CASK: variants seen among roughly 807,000 people sequenced by gnomAD.
CASK encodes peripheral plasma membrane protein CASK.
CASK carries 4 observed loss-of-function variants against 82.9 expected under a neutral mutation model. The observed-to-expected ratio is 0.05, with a 90% CI of 0.02 to 0.11. The LOEUF (loss-of-function observed/expected upper bound fraction) is 0.11. CASK is among the 10% of genes least tolerant of loss of function. The pLI, the probability that CASK is intolerant of heterozygous loss-of-function variation, is 1.00. For missense variants in CASK, 358 were observed against 720.9 expected (o/e 0.50, Z 5.76); for synonymous variants, 259 against 253.5 (o/e 1.02, Z -0.20).
intron 5 of CASK, chrX:41,675,774 C>G: frequency 8.3e-7 from 1 of 1,203,450 alleles, no homozygotes; most frequent in Non-Finnish European, 1.1e-6. Context: ...TCCCCTCCTT[C>G]TCCTGCTTCA....
intron 3 of CASK, among the ~76,000 whole-genome samples, chrX:41,747,737 G>A (rs1452581606): frequency 1.8e-5 from 2 of 112,437 alleles, no homozygotes; most frequent in Non-Finnish European, 1.9e-5. Context: ...CACTGCGCCC[G>A]GCCTACAATA....
At chrX:41,854,952 T>G (rs1415097528) in intron 1 of CASK, among the ~76,000 whole-genome samples, 1 of 112,219 alleles carries the variant, frequency 8.9e-6, no homozygotes, top group African/African-American at 3.2e-5. Flanking sequence ...CAGGAAATGC[T>G]TCATGTAATT....
intron 8 of CASK, among the ~76,000 whole-genome samples, chrX:41,639,547 A>C (rs1424608170): frequency 9.0e-6 from 1 of 110,541 alleles, no homozygotes; most frequent in Non-Finnish European, 1.9e-5. Flanking sequence ...GGTGAAAGAG[A>C]GATAGACTCT....
chrX:41,719,674 T>C (rs2068127922), intron 5 of CASK, among the ~76,000 whole-genome samples: 1 of 112,163 alleles, frequency 8.9e-6, no homozygotes, highest in South Asian at 3.7e-4. Context: ...GTGTCCACCC[T>C]ACTGCTGTGT....
rs1265732484 is a variant in CASK at position 41,518,027 on chromosome X, A to G, written c.*2393T>C. On this transcript the variant is annotated 3_prime_UTR_variant, in exon 27 of 27. Transcript: ENST00000378163. The stretch of plus-strand genomic sequence containing the variant: ...TGCTTCTCAGAGGACGTATAAAGCC[A>G]CTGAGGATGAGTGCTACAGTGCTTG... 1 of 366,102 alleles carries G rather than the reference A, an allele frequency of 2.7e-6. No homozygotes were observed. The highest frequency in any genetic ancestry group is 2.6e-5 in the African/African-American group (1 of 38,721). The allele number at this position is 366,102 out of a possible 1,213,427, so 30.2% of individuals were successfully genotyped here.
rs187597193 is a variant in CASK at position 41,676,257 on chromosome X, G to A, written c.430-4727C>T. 73 of 1,187,934 alleles carry A rather than the reference G, an allele frequency of 6.1e-5. No individual in the cohort carries two copies. In the East Asian group the frequency reaches 1.8e-3, roughly 29 times the overall value. The stretch of plus-strand genomic sequence containing the variant: ...GTATCAACTTTCTCTCTGTATTCTC[G>A]AGCCATCTGCTGTTTTTTCTCAGCA... On this transcript the variant is annotated intron_variant, in intron 5 of 26. Coordinates refer to ENST00000378163, the MANE Select transcript of CASK (RefSeq NM_001367721.1).
chrX:41,530,647 C>T (rs1280422057), intron 25 of CASK, among the ~76,000 whole-genome samples: 1 of 112,384 alleles, frequency 8.9e-6, no homozygotes, highest in African/African-American at 3.2e-5. Context: ...GAGCTGTACC[C>T]AGAGAGGGAA....
intron 1 of CASK, among the ~76,000 whole-genome samples, chrX:41,906,111 T>C (rs1029691068): frequency 1.8e-5 from 2 of 112,256 alleles, no homozygotes; most frequent in Non-Finnish European, 3.8e-5. Flanking sequence ...AAAGAAAATA[T>C]GAACTTCTGA....
rs754459613 is a variant in CASK, at chrX:41,607,648, C to T, written c.1155+2256G>A. The stretch of plus-strand genomic sequence containing the variant: ...TCTTCCTGAGCACATTTCTAAACTA[C>T]GTTCCTCAGCTCTCACATCCAGGTG... On this transcript the variant is annotated intron_variant, in intron 12 of 26. Coordinates refer to ENST00000378163, the MANE Select transcript of CASK (RefSeq NM_001367721.1). Among the ~76,000 whole-genome samples, 4 of 112,353 alleles carry T rather than the reference C, an allele frequency of 3.6e-5. No homozygotes were observed. The South Asian group carries it at 1.1e-3, about 31-fold the overall frequency.
chrX:41,583,757 T>C (rs1249300027), intron 14 of CASK, among the ~76,000 whole-genome samples: 1 of 110,752 alleles, frequency 9.0e-6, no homozygotes, highest in African/African-American at 3.3e-5. Flanking sequence ...TTTTTTACTT[T>C]TTGAGACAGG....
intron 2 of CASK, among the ~76,000 whole-genome samples, chrX:41,809,284 C>T (rs1055107797): frequency 8.9e-6 from 1 of 112,339 alleles, no homozygotes; most frequent in African/African-American, 3.2e-5. Flanking sequence ...AACGGACAGA[C>T]TGCCTCCTCA....
At chrX:41,849,135 A>G (rs2071212637) in intron 2 of CASK, among the ~76,000 whole-genome samples, 1 of 111,858 alleles carries the variant, frequency 8.9e-6, no homozygotes, top group African/African-American at 3.2e-5. Flanking sequence ...TACTCTTTCT[A>G]GAACACAATT....
At chrX:41,870,068 T>C (rs142587559) in intron 1 of CASK, among the ~76,000 whole-genome samples, 76 of 109,883 alleles carry the variant, frequency 6.9e-4, no homozygotes, top group African/African-American at 2.5e-3. Context: ...AGAGAAAATC[T>C]ATGAGGAAAT....
chrX:41,777,488 C>CAAAAA (rs745388835), intron 3 of CASK, among the ~76,000 whole-genome samples: 7 of 41,404 alleles, frequency 1.7e-4, no homozygotes, highest in African/African-American at 4.9e-4. Flanking sequence ...GACATCGTCT[C>CAAAAA]AAAAAAAAAA....
At chrX:41,622,553 C>T in intron 11 of CASK, 64 bp downstream of exon 11, 1 of 956,714 alleles carries the variant, frequency 1.0e-6, no homozygotes, top group Non-Finnish European at 1.5e-6. Context: ...TGATTACGAA[C>T]CATGCAAAGC....
chrX:41,624,358 C>T, intron 10 of CASK: 1 of 320,083 alleles, frequency 3.1e-6, no homozygotes, highest in South Asian at 2.8e-5. Context: ...ACCAAGTCAG[C>T]ACAAGAGAAA....
At chrX:41,920,870 ATTATGACTTTG>A (rs1446827438) in intron 1 of CASK, among the ~76,000 whole-genome samples, 1 of 112,116 alleles carries the variant, frequency 8.9e-6, no homozygotes, top group Admixed American at 9.4e-5. Context: ...ACATTTTCCA[ATTATGACTTTG>A]TTAGTTCATT....
intron 3 of CASK, among the ~76,000 whole-genome samples, chrX:41,784,674 G>A (rs112971394): frequency 9.0e-6 from 1 of 111,199 alleles, no homozygotes; most frequent in African/African-American, 3.3e-5. Flanking sequence ...TCAGGAGTTC[G>A]AGACCAGCCT....
At chrX:41,921,253 C>T (rs1236580590) in intron 1 of CASK, among the ~76,000 whole-genome samples, 1 of 112,014 alleles carries the variant, frequency 8.9e-6, no homozygotes, top group Non-Finnish European at 1.9e-5. Context: ...AACCTAAATA[C>T]AGATTAAGTA....
Sources: gnomAD v4.1 joint callset for allele counts (sites outside exome capture counted in the v4.1 genomes callset) on GRCh38, gnomAD v4.1.1 for gene constraint, MANE v1.5 for transcripts, NCBI Gene and HGNC (gene_info 2026-07-23, HGNC 2026-07-21) for gene names.